MAP1A: variants seen among roughly 807,000 people sequenced by gnomAD.
MAP1A encodes microtubule-associated protein 1A.
In MAP1A, 42 loss-of-function variants were observed where a neutral mutation model predicts 185.9. The observed-to-expected ratio is 0.23, with a 90% CI of 0.18 to 0.29. The LOEUF (loss-of-function observed/expected upper bound fraction) is 0.29. Ranked by LOEUF, MAP1A falls within the 10% of genes least tolerant of loss-of-function variation. The pLI is 1.00. For missense variants in MAP1A, 2,995 were observed against 3,450.4 expected (o/e 0.87, Z 3.31); for synonymous variants, 1,229 against 1,335.9 (o/e 0.92, Z 1.74).
rs748897732 is a variant in MAP1A at position 43,524,150 on chromosome 15, G to A, written c.2677G>A (p.Gly893Ser). The A allele has an allele frequency of 1.2e-6, 2 of 1,614,132 alleles. No homozygotes were observed. Among genetic ancestry groups the A allele is most frequent in the Admixed American group, 1.7e-5 (1 of 60,016 alleles). The change falls in exon 4 of 6, where the codon GGT becomes AGT. Residue 893 changes from glycine (G) to serine (S), a missense_variant. Gly to Ser is a moderately conservative substitution (Grantham distance 56, BLOSUM62 0). Coordinates refer to ENST00000300231, the MANE Select transcript of MAP1A (RefSeq NM_002373.6). Reference protein sequence around the residue: ...TQGLDYVPSAGTISPTSSLEE... With the variant: ...TQGLDYVPSASTISPTSSLEE... ...GGGCTTGGACTATGTGCCATCAGCT[G>A]GTACCATCTCACCCACCTCCTCACT... is the stretch of plus-strand genomic sequence containing the variant.
Position 43,527,507 on chromosome 15 carries a change from TCTG to T in MAP1A, c.6036_6038del (p.Ala2013del). ...GGAGGCAGCTGCCGGCCGAAACACATCTGCAGAGAAGGAGCTTTCATCTCCTAT... is the reference window on the plus strand; with the variant it reads ...GGAGGCAGCTGCCGGCCGAAACACATCAGAGAAGGAGCTTTCATCTCCTAT... On this transcript the variant is annotated inframe_deletion, in exon 4 of 6. Coordinates refer to ENST00000300231, the MANE Select transcript of MAP1A (RefSeq NM_002373.6). The T allele has an allele frequency of 1.2e-6, 2 of 1,613,954 alleles. No individual in the cohort carries two copies. Among genetic ancestry groups the T allele is most frequent in the Non-Finnish European group, 1.7e-6 (2 of 1,179,978 alleles).
At chr15:43,514,579 T>C (rs1003268417), upstream of MAP1A, among the ~76,000 whole-genome samples, 3 of 152,300 alleles carry the variant, frequency 2.0e-5, no homozygotes, top group South Asian at 6.2e-4. Context: ...TATCCTACAG[T>C]GACAAGGAGA....
Position 43,529,195 on chromosome 15 carries a change from C to T in MAP1A, c.7722C>T (p.Arg2574=), listed in dbSNP as rs747592161. Residue 2574 remains arginine (R), a synonymous_variant, in exon 4 of 6, where the codon CGC becomes CGT. Transcript: ENST00000300231. This position sits in a 1 kb window ranked among gnomAD's most constrained non-coding sequence, Gnocchi z 4.3. ...PQPDPRPSPP[R]PDVCMADPEG... is the part of the protein sequence containing the mutation. Reference sequence around the variant, plus strand: ...CAGACCCCCGCCCATCCCCTCCCCGCCCTGATGTGTGCATGGCTGACCCCG... The same window carrying T: ...CAGACCCCCGCCCATCCCCTCCCCGTCCTGATGTGTGCATGGCTGACCCCG... 6.2e-7 allele frequency: 1 copy of T among 1,610,726 alleles called. No individual in the cohort carries two copies. Among genetic ancestry groups the T allele is most frequent in the African/African-American group, 1.3e-5 (1 of 74,814 alleles).
At position 43,529,401 on chromosome 15, in the gene MAP1A, C is replaced by T. The variant is rs2079361892; in HGVS notation, c.7928C>T (p.Ala2643Val). The T allele has an allele frequency of 6.2e-7, 1 of 1,613,818 alleles. No homozygotes were observed. Among genetic ancestry groups the T allele is most frequent in the Non-Finnish European group, 8.5e-7 (1 of 1,180,010 alleles). ...GGGCCTGCAGATCGAGCATCCCGGG[C>T]CCCACCTCGACCACGCAGCACCACA... ...GKGPADRASRAPPRPRSTTSQ... is the reference protein window; with the variant it reads ...GKGPADRASRVPPRPRSTTSQ... Residue 2643 changes from alanine (A) to valine (V), a missense_variant, in exon 4 of 6, where the codon GCC becomes GTC. Ala to Val is a moderately conservative substitution (Grantham distance 64). This residue lies in a region of MAP1A where 2,728 missense variants were observed against 2,986.0 expected (regional missense o/e 0.91). Coordinates refer to ENST00000300231, the MANE Select transcript of MAP1A (RefSeq NM_002373.6). This position sits in a 1 kb window ranked among gnomAD's most constrained non-coding sequence, Gnocchi z 4.3.
upstream of MAP1A, among the ~76,000 whole-genome samples, chr15:43,514,150 A>T (rs2079290775): frequency 6.6e-6 from 1 of 152,212 alleles, no homozygotes; most frequent in African/African-American, 2.4e-5. Flanking sequence ...CCTTTCCATC[A>T]AAGAGTTTGT....
chr15:43,528,211 T>C lies in MAP1A; in HGVS notation c.6738T>C (p.Asn2246=). The change falls in exon 4 of 6, where the codon AAT becomes AAC. Residue 2246 remains asparagine, a synonymous_variant. Coordinates refer to ENST00000300231, the MANE Select transcript of MAP1A (RefSeq NM_002373.6). The stretch of plus-strand genomic sequence containing the variant: ...CTCCTGGGGCCCCTCTCCTCTCCAA[T>C]CTGCCACGACCTGCCTCACCAGCCC... The part of the protein sequence containing the change: ...PSSPGAPLLS[N]LPRPASPALS... The C allele has an allele frequency of 6.2e-7, 1 of 1,614,046 alleles. No homozygotes were observed. The highest frequency in any genetic ancestry group is 2.2e-5 in the East Asian group (1 of 44,868).
rs2079328476 is a variant in MAP1A, at chr15:43,523,418, A to G, written c.1945A>G (p.Lys649Glu). Residue 649 changes from lysine (K) to glutamate (E), a missense_variant, in exon 4 of 6, where the codon AAG becomes GAG. Coordinates refer to ENST00000300231, the MANE Select transcript of MAP1A (RefSeq NM_002373.6). The part of the protein sequence containing the change: ...EAREESEPEV[K>E]EDVIEKAELE... ...CAGAGAGGAAAGTGAACCTGAAGTAAAGGAGGATGTGATAGAAAAGGCTGA... is the reference window on the plus strand; with the variant it reads ...CAGAGAGGAAAGTGAACCTGAAGTAGAGGAGGATGTGATAGAAAAGGCTGA... 1 of 1,613,282 alleles carries G rather than the reference A, an allele frequency of 6.2e-7. No individual in the cohort carries two copies. The highest frequency in any genetic ancestry group is 1.3e-5 in the African/African-American group (1 of 74,890).
Position 43,523,946 on chromosome 15 carries a change from C to T in MAP1A, c.2473C>T (p.His825Tyr). 6.2e-7 allele frequency: 1 copy of T among 1,614,168 alleles called. No homozygotes were observed. The highest frequency in any genetic ancestry group is 8.5e-7 in the Non-Finnish European group (1 of 1,180,032). ...GGCTGCCCCTTTGGCTGAAGAGGAA[C>T]ATGTGTCCTCGGCCACTTCAATCAC... is the stretch of plus-strand genomic sequence containing the variant. ...IVAAPLAEEE[H>Y]VSSATSITEC... The change falls in exon 4 of 6, where the codon CAT becomes TAT. Residue 825 changes from histidine to tyrosine, a missense_variant. Physicochemically the swap from His to Tyr is moderately conservative, Grantham distance 83 (BLOSUM62 2). This residue lies in a region of MAP1A where 2,728 missense variants were observed against 2,986.0 expected (regional missense o/e 0.91). Transcript: ENST00000300231.
upstream of MAP1A, among the ~76,000 whole-genome samples, chr15:43,513,337 A>G (rs1190121012): frequency 6.6e-6 from 1 of 152,168 alleles, no homozygotes; most frequent in African/African-American, 2.4e-5. Context: ...CAGGAAAAAA[A>G]AAAAAAGAAA....
In MAP1A at chr15:43,527,906, C is replaced by T; in HGVS notation, c.6433C>T (p.His2145Tyr). Residue 2145 changes from histidine (H) to tyrosine (Y), a missense_variant, in exon 4 of 6, where the codon CAT (histidine) becomes TAT (tyrosine). His to Tyr is a moderately conservative substitution (Grantham distance 83, BLOSUM62 2). Coordinates refer to ENST00000300231, the MANE Select transcript of MAP1A (RefSeq NM_002373.6). Reference sequence around the variant, plus strand: ...CACATTATGGCCAGAAACTGAGGCACATGTTAGCCCTCCCTTGGACTCACA... The same window carrying T: ...CACATTATGGCCAGAAACTGAGGCATATGTTAGCCCTCCCTTGGACTCACA... ...SPTLWPETEAHVSPPLDSHLG... is the reference protein window; with the variant it reads ...SPTLWPETEAYVSPPLDSHLG... 6.2e-7 allele frequency: 1 copy of T among 1,614,180 alleles called. No individual in the cohort carries two copies. Among genetic ancestry groups the T allele is most frequent in the Non-Finnish European group, 8.5e-7 (1 of 1,180,020 alleles).
In MAP1A at chr15:43,529,623, A is replaced by G. The variant is rs973134942; in HGVS notation, c.8036-27A>G. ...GCCAAAAGGGTTCTACTTTTCCTCTACAATGAATCCTGGCTTGTCTCTACA... is the reference window on the plus strand; with the variant it reads ...GCCAAAAGGGTTCTACTTTTCCTCTGCAATGAATCCTGGCTTGTCTCTACA... On this transcript the variant is annotated intron_variant, in intron 4 of 5. Transcript: ENST00000300231. This position sits in a 1 kb window ranked among gnomAD's most constrained non-coding sequence, Gnocchi z 4.3. The G allele has an allele frequency of 2.5e-6, 4 of 1,612,018 alleles. No homozygotes were observed. The highest frequency in any genetic ancestry group is 2.2e-5 in the East Asian group (1 of 44,862).
rs1273974064 is a variant in MAP1A, at chr15:43,520,702, T to C, written c.-313T>C. 6.5e-7 allele frequency: 1 copy of C among 1,550,168 alleles called. No individual in the cohort carries two copies. The highest frequency in any genetic ancestry group is 2.4e-5 in the East Asian group (1 of 40,928). On this transcript the variant is annotated 5_prime_UTR_variant, in exon 2 of 6. Coordinates refer to ENST00000300231, the MANE Select transcript of MAP1A (RefSeq NM_002373.6). ...AGACCATCATCCTGGTAAATCCCAG[T>C]GCAGACAGCATCAGCTCTGAGGTAA... is the stretch of plus-strand genomic sequence containing the variant.
At chr15:43,518,958 T>A (rs1054151732) in intron 1 of MAP1A, among the ~76,000 whole-genome samples, 2 of 152,108 alleles carry the variant, frequency 1.3e-5, no homozygotes, top group Non-Finnish European at 2.9e-5. Flanking sequence ...ACTGGGATCA[T>A]AGAAGTCTTG....
chr15:43,520,825 A>G (rs1239164096), intron 2 of MAP1A, 102 bp downstream of exon 2: 11 of 1,313,676 alleles, frequency 8.4e-6, no homozygotes, highest in Non-Finnish European at 1.1e-5. Flanking sequence ...TCTCTCTGCC[A>G]TCTAAGCTGA....
At chr15:43,512,477 A>T (rs2079285676) in intron 2 of MAP1A, among the ~76,000 whole-genome samples, 1 of 152,142 alleles carries the variant, frequency 6.6e-6, no homozygotes, top group African/African-American at 2.4e-5. Flanking sequence ...ACATGGTTTG[A>T]TACTGGAGGG....
rs2079320448 is a variant in MAP1A at position 43,521,854 on chromosome 15, T to C, written c.381T>C (p.Leu127=). The C allele has an allele frequency of 6.2e-7, 1 of 1,614,100 alleles. No homozygotes were observed. The highest frequency in any genetic ancestry group is 1.3e-5 in the African/African-American group (1 of 74,932). ...SSSYSDWVKN[L]ISPELGVVFF... is the part of the protein sequence containing the mutation. ...GTTACAGCGACTGGGTGAAGAACCT[T>C]ATCTCTCCTGAGCTTGGAGTTGTCT... Residue 127 remains leucine, a synonymous_variant, in exon 4 of 6, where the codon CTT becomes CTC. Transcript: ENST00000300231. The surrounding 1 kb of genome is among the most constrained non-coding windows in gnomAD (Gnocchi z 4.6).
At position 43,528,757 on chromosome 15, in the gene MAP1A, T is replaced by A; in HGVS notation, c.7284T>A (p.Pro2428=). 6.2e-7 allele frequency: 1 copy of A among 1,613,410 alleles called. No homozygotes were observed. Among genetic ancestry groups the A allele is most frequent in the South Asian group, 1.1e-5 (1 of 91,022 alleles). ...GGGGCCCACCCAGCAGTGCCTCTCC[T>A]GAGGTCGAAGCTGGGCCCCAGGGAT... ...GSGGPPSSAS[P]EVEAGPQGCA... The change falls in exon 4 of 6, where the codon CCT becomes CCA. Residue 2428 remains proline, a synonymous_variant. Coordinates refer to ENST00000300231, the MANE Select transcript of MAP1A (RefSeq NM_002373.6).
rs747635233 is a variant in MAP1A, at chr15:43,527,659, TCCC to T, written c.6191_6193del (p.Pro2064del). 6.2e-7 allele frequency: 1 copy of T among 1,606,080 alleles called. No individual in the cohort carries two copies. Among genetic ancestry groups the T allele is most frequent in the Non-Finnish European group, 8.5e-7 (1 of 1,177,028 alleles). ...AGCCCAGCCTCACCCCACCTGCAGT[TCCC>T]CCCCGTGCTCCTATCCTGAGCAAAG... is the stretch of plus-strand genomic sequence containing the variant. On this transcript the variant is annotated inframe_deletion, in exon 4 of 6. Coordinates refer to ENST00000300231, the MANE Select transcript of MAP1A (RefSeq NM_002373.6).
Position 43,529,939 on chromosome 15 carries a change from TC to T in MAP1A, c.8256+72del. ...ACTCAGAGGCAGTAGTGGAACACAG[TC>T]CCTATTTATTAAAGGATGGGCCTTT... On this transcript the variant is annotated intron_variant, in intron 5 of 5. Coordinates refer to ENST00000300231, the MANE Select transcript of MAP1A (RefSeq NM_002373.6). This position sits in a 1 kb window ranked among gnomAD's most constrained non-coding sequence, Gnocchi z 4.3. The T allele has an allele frequency of 2.6e-6, 4 of 1,562,774 alleles. No homozygotes were observed. The highest frequency in any genetic ancestry group is 2.3e-5 in the East Asian group (1 of 44,408).
Sources: allele counts gnomAD v4.1 joint callset (sites outside exome capture counted in the v4.1 genomes callset), GRCh38; gene constraint gnomAD v4.1.1; regional missense constraint gnomAD v4.1.1; non-coding constraint Gnocchi (gnomAD v3.1); transcripts MANE v1.5; gene names NCBI Gene and HGNC (gene_info 2026-07-23, HGNC 2026-07-21).